Variants in TAFA1 observed in about 807,000 individuals in gnomAD.
The protein encoded by TAFA1 is TAFA chemokine like family member 1, also known as chemokine-like protein TAFA-1.
A neutral mutation model predicts 18.5 loss-of-function variants in TAFA1; 4 were observed. The ratio of observed to expected loss-of-function variants is 0.22; its 90% confidence interval spans 0.11 to 0.49. TAFA1 has a LOEUF of 0.49. TAFA1 is among the 20% of genes least tolerant of loss of function. TAFA1 has a pLI of 0.98. For missense variants in TAFA1, 147 were observed against 169.0 expected (o/e 0.87, Z 0.72); for synonymous variants, 56 against 55.2 (o/e 1.01, Z -0.06).
At chr3:68,195,884 G>A (rs557528194) in intron 2 of TAFA1, among the ~76,000 whole-genome samples, 4 of 151,784 alleles carry the variant, frequency 2.6e-5, no homozygotes, top group East Asian at 2.0e-4. Flanking sequence ...GAAAGTAGTA[G>A]GTTCTTGATA....
intron 2 of TAFA1, among the ~76,000 whole-genome samples, chr3:68,345,540 G>T (rs1005473828): frequency 2.6e-5 from 4 of 152,194 alleles, no homozygotes; most frequent in African/African-American, 9.6e-5. Context: ...GGGAAAACGT[G>T]AGAAATCAGC....
Position 68,430,796 on chromosome 3 carries a change from G to A in TAFA1, c.259+13376G>A, listed in dbSNP as rs553592172. Among the ~76,000 whole-genome samples, 9 of 152,038 alleles carry A rather than the reference G, an allele frequency of 5.9e-5. No individual in the cohort carries two copies. In the South Asian group the frequency reaches 1.9e-3, roughly 31 times the overall value. On this transcript the variant is annotated intron_variant, in intron 3 of 4. Transcript: ENST00000478136. ...TCCCAACCGCTCACACTGCTACAAA[G>A]AGTCTTCACAACTGCACACACACAG...
Position 68,412,235 on chromosome 3 carries a change from G to A in TAFA1, c.119-5045G>A, listed in dbSNP as rs1338576807. On this transcript the variant is annotated intron_variant, in intron 2 of 4. Coordinates refer to ENST00000478136, the MANE Select transcript of TAFA1 (RefSeq NM_213609.4). The stretch of plus-strand genomic sequence containing the variant: ...TTTTCAAAGAAATGACAGCATGTAC[G>A]TCAGGGTGGGACAGGGGAAAGAGCA... Among the ~76,000 whole-genome samples the A allele has an allele frequency of 1.4e-4, 22 of 152,206 alleles. No homozygotes were observed. The South Asian group carries it at 2.9e-3, about 20-fold the overall frequency.
chr3:68,104,507 T>C (rs926805056), intron 2 of TAFA1, among the ~76,000 whole-genome samples: 1 of 152,082 alleles, frequency 6.6e-6, no homozygotes, highest in Non-Finnish European at 1.5e-5. Flanking sequence ...GAATATATTG[T>C]CATTAAATTT....
At chr3:68,308,277 A>G (rs1475594865) in intron 2 of TAFA1, among the ~76,000 whole-genome samples, 1 of 151,716 alleles carries the variant, frequency 6.6e-6, no homozygotes, top group Admixed American at 6.6e-5. Flanking sequence ...AAATGCTATC[A>G]CCCCTGGAGT....
intron 2 of TAFA1, among the ~76,000 whole-genome samples, chr3:68,403,680 A>C (rs1413145696): frequency 6.6e-6 from 1 of 152,210 alleles, no homozygotes; most frequent in African/African-American, 2.4e-5. Flanking sequence ...ATAACAGCGA[A>C]GTTTGGTAGT....
intron 2 of TAFA1, among the ~76,000 whole-genome samples, chr3:68,413,975 C>A (rs2106787314): frequency 6.6e-6 from 1 of 152,068 alleles, no homozygotes; most frequent in East Asian, 1.9e-4. Flanking sequence ...GTCAAAGTGA[C>A]CAGTGTCCAT....
At chr3:68,172,431 A>T (rs2066067638) in intron 2 of TAFA1, among the ~76,000 whole-genome samples, 1 of 152,208 alleles carries the variant, frequency 6.6e-6, no homozygotes, top group African/African-American at 2.4e-5. Context: ...ACCCTCATGC[A>T]TGCATACATT....
intron 2 of TAFA1, among the ~76,000 whole-genome samples, chr3:68,091,351 G>T (rs778029665): frequency 2.0e-5 from 3 of 152,026 alleles, no homozygotes; most frequent in Admixed American, 6.6e-5. Context: ...TTTTTCCATT[G>T]AAAAGTTTGG....
intron 2 of TAFA1, among the ~76,000 whole-genome samples, chr3:68,359,000 C>T (rs535815161): frequency 4.5e-4 from 69 of 152,052 alleles, no homozygotes; most frequent in African/African-American, 1.6e-3. Context: ...ACTTTTTGTC[C>T]TGGGTCTCAC....
intron 3 of TAFA1, among the ~76,000 whole-genome samples, chr3:68,461,377 A>G (rs942113773): frequency 7.7e-5 from 11 of 142,014 alleles, no homozygotes; most frequent in African/African-American, 1.7e-4. Context: ...ATATATATAT[A>G]TATGTATGTA....
At chr3:68,382,129 C>G (rs2069976115) in intron 2 of TAFA1, among the ~76,000 whole-genome samples, 2 of 152,036 alleles carry the variant, frequency 1.3e-5, no homozygotes, top group Non-Finnish European at 2.9e-5. Context: ...GAGATGAAGC[C>G]CACTTGGTCG....
chr3:68,358,863 G>A (rs548681621), intron 2 of TAFA1, among the ~76,000 whole-genome samples: 1 of 142,994 alleles, frequency 7.0e-6, no homozygotes, highest in South Asian at 2.6e-4. Flanking sequence ...CACCAATTGA[G>A]TGATCTGAAT....
chr3:68,239,678 C>T (rs757717611), intron 2 of TAFA1, among the ~76,000 whole-genome samples: 31 of 152,082 alleles, frequency 2.0e-4, no homozygotes, highest in Non-Finnish European at 2.5e-4. Flanking sequence ...CTCTTGAAGG[C>T]TTAGTTGCCA....
At chr3:68,059,872 A>G (rs995575469) in intron 2 of TAFA1, among the ~76,000 whole-genome samples, 2 of 152,174 alleles carry the variant, frequency 1.3e-5, no homozygotes, top group Non-Finnish European at 2.9e-5. Flanking sequence ...TTAGAAGAGC[A>G]CCTAAGCCTA....
chr3:68,044,923 A>G (rs1389435349), intron 2 of TAFA1, among the ~76,000 whole-genome samples: 1 of 152,236 alleles, frequency 6.6e-6, no homozygotes, highest in Non-Finnish European at 1.5e-5. Context: ...GTTCATCGTA[A>G]TTGTATGAAT....
chr3:68,244,945 T>C (rs1336686482), intron 2 of TAFA1, among the ~76,000 whole-genome samples: 1 of 152,224 alleles, frequency 6.6e-6, no homozygotes, highest in Non-Finnish European at 1.5e-5. Context: ...TCCATGTCTG[T>C]CTAACTTGAA....
intron 2 of TAFA1, among the ~76,000 whole-genome samples, chr3:68,062,376 A>T (rs112707809): frequency 3.3e-5 from 5 of 152,202 alleles, no homozygotes; most frequent in Non-Finnish European, 5.9e-5. Flanking sequence ...TTTCAAAGAG[A>T]TGCCACAAAC....
At chr3:68,422,950 C>G (rs2070983821) in intron 3 of TAFA1, among the ~76,000 whole-genome samples, 1 of 151,806 alleles carries the variant, frequency 6.6e-6, no homozygotes. Context: ...CCAAGTTCTT[C>G]TCGGGGACTA....
Sources: gnomAD v4.1 joint callset for allele counts (sites outside exome capture counted in the v4.1 genomes callset) on GRCh38, gnomAD v4.1.1 for gene constraint, MANE v1.5 for transcripts, NCBI Gene and HGNC (gene_info 2026-07-23, HGNC 2026-07-21) for gene names.